MEGF9: variants seen among roughly 807,000 people sequenced by gnomAD.
MEGF9 encodes the protein multiple EGF like domains 9.
In MEGF9, 6 loss-of-function variants were observed where a neutral mutation model predicts 46.8. The observed-to-expected ratio is 0.13, with a 90% CI of 0.07 to 0.25. The LOEUF is 0.25. Ranked by LOEUF, MEGF9 falls within the 10% of genes least tolerant of loss-of-function variation. The pLI, the probability that MEGF9 is intolerant of heterozygous loss-of-function variation, is 1.00. For synonymous variants in MEGF9, 302 were observed against 330.7 expected (o/e 0.91, Z 0.94); for missense variants, 683 against 792.4 (o/e 0.86, Z 1.66).
chr9:120,661,661 C>T (rs1288555369), intron 1 of MEGF9, among the ~76,000 whole-genome samples: 3 of 152,228 alleles, frequency 2.0e-5, no homozygotes, highest in East Asian at 1.9e-4. Context: ...GAACCAGCTT[C>T]CCATTACAAT....
rs1277321031 is a variant in MEGF9, at chr9:120,605,124, T to C, written c.*66A>G. ...CAGCAAACTCTAGCCAGGCTTTGTC[T>C]GGCCCAGGGGCTGACTCTGTCTTAG... On this transcript the variant is annotated 3_prime_UTR_variant, in exon 6 of 6. Coordinates refer to ENST00000373930, the MANE Select transcript of MEGF9 (RefSeq NM_001080497.3). This position sits in a 1 kb window ranked among gnomAD's most constrained non-coding sequence, Gnocchi z 4.0. 1 of 1,486,012 alleles carries C rather than the reference T, an allele frequency of 6.7e-7. No homozygotes were observed. Among genetic ancestry groups the C allele is most frequent in the South Asian group, 1.3e-5 (1 of 75,038 alleles). 92.1% of individuals were successfully genotyped at this position (1,486,012 alleles called of 1,614,324 possible).
chr9:120,710,536 G>C (rs985032415), intron 1 of MEGF9, among the ~76,000 whole-genome samples: 2 of 151,718 alleles, frequency 1.3e-5, no homozygotes, highest in African/African-American at 4.8e-5. Flanking sequence ...TCAGTTTGCA[G>C]ATCAGTGTCC....
At chr9:120,691,076 T>A (rs770273537) in intron 1 of MEGF9, among the ~76,000 whole-genome samples, 3 of 152,138 alleles carry the variant, frequency 2.0e-5, no homozygotes, top group Non-Finnish European at 1.5e-5. Context: ...ATAATCTGTA[T>A]CCTACCCTAT....
At chr9:120,616,779 G>A (rs1262759446) in intron 3 of MEGF9, among the ~76,000 whole-genome samples, 1 of 151,468 alleles carries the variant, frequency 6.6e-6, no homozygotes, top group Non-Finnish European at 1.5e-5. Flanking sequence ...TAAGCAAACA[G>A]CTTCTCTGAT....
At chr9:120,634,569 C>G (rs1165211626) in intron 2 of MEGF9, among the ~76,000 whole-genome samples, 1 of 134,842 alleles carries the variant, frequency 7.4e-6, no homozygotes, top group African/African-American at 3.8e-5. Context: ...CATTCTCCTG[C>G]CTCAGGAATA....
At chr9:120,662,372 A>C (rs80308537) in intron 1 of MEGF9, among the ~76,000 whole-genome samples, 265 of 152,280 alleles carry the variant, frequency 1.7e-3, no homozygotes, top group African/African-American at 6.0e-3. Flanking sequence ...ATCAGCTGAA[A>C]CTCACTTCTC....
chr9:120,638,459 G>A (rs1382580297), intron 2 of MEGF9, among the ~76,000 whole-genome samples: 2 of 152,198 alleles, frequency 1.3e-5, no homozygotes, highest in Non-Finnish European at 2.9e-5. Flanking sequence ...ATTACTGACA[G>A]GGTTGAAGCC....
chr9:120,627,160 T>G (rs1425908720), intron 2 of MEGF9, among the ~76,000 whole-genome samples: 1 of 152,186 alleles, frequency 6.6e-6, no homozygotes, highest in East Asian at 1.9e-4. Context: ...GAGCACATTA[T>G]AAACACATGG....
intron 2 of MEGF9, among the ~76,000 whole-genome samples, chr9:120,628,014 T>G (rs2043533140): frequency 6.6e-6 from 1 of 152,186 alleles, no homozygotes; most frequent in Admixed American, 6.5e-5. Context: ...CTGAAACTAG[T>G]AATTAAAAGT....
rs181385556 is a variant in MEGF9, at chr9:120,671,918, T to G, written c.602-12343A>C. On this transcript the variant is annotated intron_variant, in intron 1 of 5. Coordinates refer to ENST00000373930, the MANE Select transcript of MEGF9 (RefSeq NM_001080497.3). Reference sequence around the variant, plus strand: ...TGAACCCAGCAATATATAAAAAGATTAAGTGGGATTTATTCCAGAAATACT... The same window carrying G: ...TGAACCCAGCAATATATAAAAAGATGAAGTGGGATTTATTCCAGAAATACT... Among the ~76,000 whole-genome samples, 226 of 152,242 alleles carry G rather than the reference T, an allele frequency of 1.5e-3. 1 individual carries two copies. The highest frequency in any genetic ancestry group is 2.6e-3 in the Non-Finnish European group (178 of 68,008).
At chr9:120,695,761 C>CTAG (rs1309774649) in intron 1 of MEGF9, among the ~76,000 whole-genome samples, 3 of 152,084 alleles carry the variant, frequency 2.0e-5, no homozygotes, top group Non-Finnish European at 2.9e-5. Context: ...TTTTGTCAGC[C>CTAG]TAGTATCATA....
chr9:120,617,477 A>G (rs183273389), intron 3 of MEGF9, among the ~76,000 whole-genome samples: 2 of 152,370 alleles, frequency 1.3e-5, no homozygotes, highest in African/African-American at 4.8e-5. Flanking sequence ...TATGGAGCCC[A>G]GGTTAACAAG....
chr9:120,615,342 C>T (rs2043467614), intron 3 of MEGF9, among the ~76,000 whole-genome samples: 1 of 150,036 alleles, frequency 6.7e-6, no homozygotes, highest in South Asian at 2.1e-4. Context: ...TAATCCTTTA[C>T]TCCTACAGGG....
At chr9:120,630,860 G>A (rs1202058267) in intron 2 of MEGF9, among the ~76,000 whole-genome samples, 2 of 152,156 alleles carry the variant, frequency 1.3e-5, no homozygotes, top group African/African-American at 4.8e-5. Flanking sequence ...TTGTTGAGGT[G>A]TTTGAAGATA....
intron 1 of MEGF9, among the ~76,000 whole-genome samples, chr9:120,679,505 A>C (rs1197300514): frequency 1.3e-5 from 2 of 152,010 alleles, no homozygotes; most frequent in Non-Finnish European, 2.9e-5. Flanking sequence ...GGATTGCATT[A>C]GGAGACATAC....
chr9:120,689,832 T>C (rs907021204), intron 1 of MEGF9: 3 of 440,402 alleles, frequency 6.8e-6, no homozygotes, highest in Non-Finnish European at 1.4e-5. Flanking sequence ...CTAAAGTCAT[T>C]ATGCTCTTCT....
intron 2 of MEGF9, among the ~76,000 whole-genome samples, chr9:120,641,167 T>G (rs1216010903): frequency 6.6e-6 from 1 of 152,204 alleles, no homozygotes; most frequent in Non-Finnish European, 1.5e-5. Flanking sequence ...GCACTTAATC[T>G]TGACACTTTA....
chr9:120,687,376 T>C (rs577583821), intron 1 of MEGF9, among the ~76,000 whole-genome samples: 8 of 152,264 alleles, frequency 5.3e-5, no homozygotes, highest in African/African-American at 1.9e-4. Context: ...GTGATTCCTA[T>C]GCACATTAAT....
intron 1 of MEGF9, among the ~76,000 whole-genome samples, chr9:120,703,839 G>T (rs184749103): frequency 6.6e-6 from 1 of 152,034 alleles, no homozygotes; most frequent in African/African-American, 2.4e-5. Flanking sequence ...TGGGTGTGGT[G>T]GTGGGTGCCT....
Sources: gnomAD v4.1 joint callset for allele counts (sites outside exome capture counted in the v4.1 genomes callset) on GRCh38, gnomAD v4.1.1 for gene constraint, Gnocchi (gnomAD v3.1) non-coding constraint, MANE v1.5 for transcripts, NCBI Gene and HGNC (gene_info 2026-07-23, HGNC 2026-07-21) for gene names.